Variants in CGRRF1 observed in about 807,000 individuals in gnomAD.
CGRRF1 encodes the protein cell growth regulator with RING finger domain protein 1.
In CGRRF1, 32 loss-of-function variants were observed where a neutral mutation model predicts 37.2. That is an observed-to-expected ratio of 0.86 (90% CI 0.65 to 1.16). The LOEUF is 1.16. Among genes scored for constraint, CGRRF1 ranks in the 50% most tolerant of loss-of-function variants. The probability of loss-of-function intolerance (pLI) is 0.00; values close to 1 mark genes in which losing one functional copy is unlikely to be tolerated. For missense variants in CGRRF1, 391 were observed against 382.6 expected, an observed-to-expected ratio of 1.02 and a Z score of -0.18; for synonymous variants, 141 against 140.3, an observed-to-expected ratio of 1.00 and a Z score of -0.04.
rs2032335868 is a variant in CGRRF1, at chr14:54,522,527, C to T, written c.178C>T (p.Gln60Ter). ...GTTCAGCACAAGAGTTTTCAAAAAGCAAATGAGACAAGTCAAGAATCCTTT... is the reference window on the plus strand; with the variant it reads ...GTTCAGCACAAGAGTTTTCAAAAAGTAAATGAGACAAGTCAAGAATCCTTT... ...TQFSTRVFKK[Q>*]MRQVKNPFGL... is the part of the protein sequence containing the mutation. The change falls in exon 2 of 6, where the codon CAA becomes TAA. Residue 60 changes from glutamine (Q) to a stop codon, truncating the protein, a stop_gained. Transcript: ENST00000216420. LOFTEE classifies it high-confidence loss of function. 2 of 1,607,894 alleles carry T rather than the reference C, an allele frequency of 1.2e-6. No individual in the cohort carries two copies. The highest frequency in any genetic ancestry group is 1.7e-5 in the Admixed American group (1 of 58,806).
intron 1 of CGRRF1, among the ~76,000 whole-genome samples, chr14:54,513,587 T>TCA (rs2032165208): frequency 7.3e-6 from 1 of 136,256 alleles, no homozygotes; most frequent in Admixed American, 7.5e-5. Context: ...TTATGTTATG[T>TCA]TATGTTATGT....
intron 1 of CGRRF1, among the ~76,000 whole-genome samples, chr14:54,515,673 T>G (rs2032203570): frequency 6.6e-6 from 1 of 152,236 alleles, no homozygotes; most frequent in Admixed American, 6.5e-5. Flanking sequence ...ATGGACCTCT[T>G]TGATCCTGGT....
intron 1 of CGRRF1, among the ~76,000 whole-genome samples, chr14:54,519,489 A>G (rs545822126): frequency 2.1e-3 from 307 of 146,934 alleles, no homozygotes; most frequent in African/African-American, 6.1e-3. Flanking sequence ...GGGCTCAAGC[A>G]TTCCTCCCTC....
chr14:54,521,681 T>C (rs1256880452), intron 1 of CGRRF1, among the ~76,000 whole-genome samples: 1 of 151,842 alleles, frequency 6.6e-6, no homozygotes, highest in Non-Finnish European at 1.5e-5. Context: ...ATTTTTGTAT[T>C]TTTATTAATG....
intron 2 of CGRRF1, among the ~76,000 whole-genome samples, chr14:54,524,787 C>T (rs1006164459): frequency 1.1e-4 from 16 of 152,138 alleles, no homozygotes; most frequent in Admixed American, 8.5e-4. Context: ...ACTCCCCTCC[C>T]CGCTCCTTCC....
chr14:54,537,907 A>T, intron 5 of CGRRF1, 78 bp downstream of exon 5: 1 of 1,527,740 alleles, frequency 6.5e-7, no homozygotes, highest in Non-Finnish European at 8.7e-7. Context: ...TGGAAAGGTG[A>T]TTATATTTTT....
At chr14:54,510,658 G>C (rs1391022034) in intron 1 of CGRRF1, among the ~76,000 whole-genome samples, 2 of 152,178 alleles carry the variant, frequency 1.3e-5, no homozygotes, top group African/African-American at 4.8e-5. Context: ...AGCTGGAAGA[G>C]ACCTTAGAAA....
chr14:54,522,454 G>T lies in CGRRF1; in HGVS notation c.105G>T (p.Trp35Cys). 2.6e-6 allele frequency: 4 copies of T among 1,540,632 alleles called. No individual in the cohort carries two copies. Among genetic ancestry groups the T allele is most frequent in the Non-Finnish European group, 3.5e-6 (4 of 1,150,628 alleles). The change falls in exon 2 of 6, where the codon TGG becomes TGT. Residue 35 changes from tryptophan (W) to cysteine (C), a missense_variant and splice_region_variant. Coordinates refer to ENST00000216420, the MANE Select transcript of CGRRF1 (RefSeq NM_006568.3). Reference protein sequence around the residue: ...FIVTTGLVLGWFGWDVPVILR... With the variant: ...FIVTTGLVLGCFGWDVPVILR... ...TATTTTATTTTTTACCTTTTTTTAG[G>T]TTTGGTTGGGATGTTCCAGTAATTC...
intron 4 of CGRRF1, among the ~76,000 whole-genome samples, chr14:54,532,476 C>T (rs1441138785): frequency 6.6e-6 from 1 of 152,010 alleles, no homozygotes; most frequent in African/African-American, 2.4e-5. Flanking sequence ...TTTTGGTGCT[C>T]TTGCCACATG....
intron 4 of CGRRF1, chr14:54,536,735 T>C (rs1202645890): frequency 6.6e-6 from 1 of 152,200 alleles, no homozygotes; most frequent in East Asian, 1.9e-4. Flanking sequence ...AAGTTCTTCA[T>C]AAATTAGGAA....
At chr14:54,511,113 G>T (rs1174244247) in intron 1 of CGRRF1, among the ~76,000 whole-genome samples, 1 of 152,204 alleles carries the variant, frequency 6.6e-6, no homozygotes, top group Non-Finnish European at 1.5e-5. Context: ...AGAAGGCTAC[G>T]TAAAACGAGT....
chr14:54,527,785 G>T (rs1353111866), intron 2 of CGRRF1, among the ~76,000 whole-genome samples: 1 of 150,962 alleles, frequency 6.6e-6, no homozygotes, highest in African/African-American at 2.4e-5. Flanking sequence ...TTGAAACAGG[G>T]TCTCACTCTG....
intron 1 of CGRRF1, among the ~76,000 whole-genome samples, chr14:54,511,870 C>G (rs2032135173): frequency 6.6e-6 from 1 of 152,218 alleles, no homozygotes; most frequent in South Asian, 2.1e-4. Context: ...TAAATCCAGT[C>G]ACTTCCATCC....
intron 1 of CGRRF1, among the ~76,000 whole-genome samples, chr14:54,513,224 G>A (rs1417192001): frequency 6.6e-6 from 1 of 152,174 alleles, no homozygotes; most frequent in Non-Finnish European, 1.5e-5. Flanking sequence ...CTTTGCCAAT[G>A]GGAAATAATC....
Position 54,510,066 on chromosome 14 carries a change from A to G in CGRRF1, c.104+3A>G, listed in dbSNP as rs772756011. On this transcript the variant is annotated splice_donor_region_variant and intron_variant, in intron 1 of 5. Coordinates refer to ENST00000216420, the MANE Select transcript of CGRRF1 (RefSeq NM_006568.3). Reference sequence around the variant, plus strand: ...ACCACCGGCCTGGTATTGGGATGGTAAGTGTCCCAGGGGTGAGAGACGAAG... The same window carrying G: ...ACCACCGGCCTGGTATTGGGATGGTGAGTGTCCCAGGGGTGAGAGACGAAG... 15 of 1,599,666 alleles carry G rather than the reference A, an allele frequency of 9.4e-6. No individual in the cohort carries two copies. The Admixed American group carries it at 1.7e-4, about 18-fold the overall frequency.
At chr14:54,531,635 C>G (rs2032516533) in intron 4 of CGRRF1, among the ~76,000 whole-genome samples, 1 of 152,102 alleles carries the variant, frequency 6.6e-6, no homozygotes, top group African/African-American at 2.4e-5. Context: ...CCATCAAAGT[C>G]CCTGCTGCAC....
chr14:54,535,054 G>A (rs759687944), intron 4 of CGRRF1, among the ~76,000 whole-genome samples: 3 of 151,962 alleles, frequency 2.0e-5, no homozygotes, highest in Non-Finnish European at 4.4e-5. Flanking sequence ...ATATATGATC[G>A]TATATATATT....
At chr14:54,516,956 T>C (rs931656735) in intron 1 of CGRRF1, among the ~76,000 whole-genome samples, 1 of 152,230 alleles carries the variant, frequency 6.6e-6, no homozygotes, top group East Asian at 1.9e-4. Context: ...TCATCCACTA[T>C]ATTTTTTATC....
At chr14:54,521,219 G>T (rs1000008891) in intron 1 of CGRRF1, among the ~76,000 whole-genome samples, 7 of 152,094 alleles carry the variant, frequency 4.6e-5, no homozygotes, top group African/African-American at 9.7e-5. Flanking sequence ...CCAGCACTTT[G>T]GGAGGCTGAG....
Sources: gnomAD v4.1 joint callset for allele counts (sites outside exome capture counted in the v4.1 genomes callset) on GRCh38, gnomAD v4.1.1 for gene constraint, MANE v1.5 for transcripts, NCBI Gene and HGNC (gene_info 2026-07-23, HGNC 2026-07-21) for gene names.